SERPINB11: variants seen among roughly 807,000 people sequenced by gnomAD.
The protein encoded by SERPINB11 is serpin family B member 11.
In SERPINB11, 32 loss-of-function variants were observed where a neutral mutation model predicts 36.7. That is an observed-to-expected ratio of 0.87 (90% CI 0.66 to 1.17). The LOEUF (loss-of-function observed/expected upper bound fraction) is 1.17, where lower values mean the gene tolerates loss of function less well. Among genes scored for constraint, SERPINB11 ranks in the 50% most tolerant of loss-of-function variants. The pLI, the probability that SERPINB11 is intolerant of heterozygous loss-of-function variation, is 0.00. For missense variants in SERPINB11, 528 were observed against 458.4 expected, an observed-to-expected ratio of 1.15 and a Z score of -1.39; for synonymous variants, 174 against 168.1, an observed-to-expected ratio of 1.04 and a Z score of -0.27.
chr18:63,705,420 G>A (rs1914346761), intron 1 of SERPINB11: 2 of 152,150 alleles, frequency 1.3e-5, no homozygotes, highest in African/African-American at 4.8e-5. Flanking sequence ...ATGTTTTACA[G>A]GAGCACATAT....
rs528317281 is a variant in SERPINB11, at chr18:63,721,290, T to C, written c.774+304T>C. Among the ~76,000 whole-genome samples the C allele has an allele frequency of 2.0e-5, 3 of 152,312 alleles. No individual in the cohort carries two copies. The East Asian group carries it at 5.8e-4, about 29-fold the overall frequency. ...ATAGTCGGGGGACATCTTTCTATAG[T>C]AATGAAGTTATAATGCTATTTGGGC... On this transcript the variant is annotated intron_variant, in intron 7 of 7. Coordinates refer to ENST00000544088, the MANE Select transcript of SERPINB11 (RefSeq NM_001370475.1).
chr18:63,703,769 G>C (rs1182233720), intron 1 of SERPINB11, among the ~76,000 whole-genome samples: 1 of 152,188 alleles, frequency 6.6e-6, no homozygotes. Flanking sequence ...GACAGAACCA[G>C]ACCCTCCGTC....
At chr18:63,722,916 G>C in intron 7 of SERPINB11, 79 bp from the exon 8 acceptor site, 1 of 1,389,192 alleles carries the variant, frequency 7.2e-7, no homozygotes, top group Admixed American at 2.9e-5. Flanking sequence ...CTCACACTGA[G>C]AATTATAAAA....
At chr18:63,720,500 T>C (rs1194075587) in intron 6 of SERPINB11, 1 of 334,166 alleles carries the variant, frequency 3.0e-6, no homozygotes, top group Non-Finnish European at 5.3e-6. Context: ...AGAGAGTTTC[T>C]TGAGGAAAGA....
chr18:63,721,450 G>C (rs1214367724), intron 7 of SERPINB11, among the ~76,000 whole-genome samples: 5 of 152,180 alleles, frequency 3.3e-5, no homozygotes, highest in Admixed American at 6.5e-5. Flanking sequence ...ATTAAGAAGT[G>C]GTCATGGCCG....
intron 4 of SERPINB11, among the ~76,000 whole-genome samples, chr18:63,714,296 A>G (rs1176214706): frequency 3.9e-5 from 6 of 152,166 alleles, no homozygotes; most frequent in African/African-American, 1.4e-4. Context: ...CAAGGCAATA[A>G]AATATCACAA....
chr18:63,708,563 A>T (rs1025191130), intron 1 of SERPINB11, among the ~76,000 whole-genome samples: 3 of 152,156 alleles, frequency 2.0e-5, no homozygotes, highest in Non-Finnish European at 2.9e-5. Flanking sequence ...AGAAGAATGG[A>T]ATTGCCATTT....
chr18:63,711,715 G>A (rs1450877906), intron 3 of SERPINB11, among the ~76,000 whole-genome samples: 1 of 152,086 alleles, frequency 6.6e-6, no homozygotes, highest in Admixed American at 6.5e-5. Context: ...TGTCTAGAGT[G>A]GGGACTGAGA....
chr18:63,722,113 A>G (rs973309184), intron 7 of SERPINB11, among the ~76,000 whole-genome samples: 16 of 152,210 alleles, frequency 1.1e-4, no homozygotes, highest in African/African-American at 3.9e-4. Flanking sequence ...AGCAGTGCAA[A>G]TGCCTTAGAA....
chr18:63,721,078 C>T (rs185651470), intron 7 of SERPINB11, 92 bp downstream of exon 7: 12 of 1,170,994 alleles, frequency 1.0e-5, no homozygotes, highest in East Asian at 2.5e-5. Flanking sequence ...ATGACATTAG[C>T]GTAGTCATTG....
chr18:63,715,505 T>C (rs1447148906), intron 4 of SERPINB11, among the ~76,000 whole-genome samples: 1 of 152,230 alleles, frequency 6.6e-6, no homozygotes, highest in Non-Finnish European at 1.5e-5. Flanking sequence ...GTTCACACTT[T>C]ACATAAATTT....
chr18:63,708,176 G>A (rs779462393), intron 1 of SERPINB11, among the ~76,000 whole-genome samples: 4 of 152,228 alleles, frequency 2.6e-5, no homozygotes, highest in Non-Finnish European at 5.9e-5. Context: ...GGTCTGACAG[G>A]TGGCCAGGGC....
Position 63,723,065 on chromosome 18 carries a change from T to C in SERPINB11, c.845T>C (p.Val282Ala), listed in dbSNP as rs530961398. The part of the protein sequence containing the change: ...TSSSNMMERE[V>A]EVHLPRFKLE... ...TCTTCTAACATGATGGAAAGAGAAG[T>C]TGAAGTACACCTCCCCCGATTCAAA... Residue 282 changes from valine to alanine, a missense_variant, in exon 8 of 8, where the codon GTT becomes GCT. Physicochemically the swap from Val to Ala is moderately conservative, Grantham distance 64. Transcript: ENST00000544088. The C allele has an allele frequency of 1.1e-5, 17 of 1,605,486 alleles. No homozygotes were observed. The highest frequency in any genetic ancestry group is 5.3e-5 in the African/African-American group (4 of 74,854).
intron 4 of SERPINB11, among the ~76,000 whole-genome samples, chr18:63,715,097 C>T (rs1469709166): frequency 2.0e-5 from 3 of 152,188 alleles, no homozygotes; most frequent in African/African-American, 7.2e-5. Flanking sequence ...CTTCCCCCAA[C>T]ATTAGTTAAG....
In SERPINB11 at chr18:63,711,372, C is replaced by A; in HGVS notation, c.206C>A (p.Pro69Gln). The A allele has an allele frequency of 6.2e-7, 1 of 1,610,308 alleles. No individual in the cohort carries two copies. The highest frequency in any genetic ancestry group is 1.3e-5 in the African/African-American group (1 of 74,858). The change falls in exon 3 of 8, where the codon CCA (proline) becomes CAA (glutamine). Residue 69 changes from proline to glutamine, a missense_variant. Coordinates refer to ENST00000544088, the MANE Select transcript of SERPINB11 (RefSeq NM_001370475.1). The part of the protein sequence containing the change: ...HFSHTVDSLK[P>Q]GFKDSPKCSQ... ...AGTCATACTGTAGACTCATTAAAAC[C>A]AGGGTTCAAGGACTCACCTAAGGTA...
At chr18:63,715,970 G>A (rs1394500646) in intron 4 of SERPINB11, 65 bp from the exon 5 acceptor site, 6 of 953,304 alleles carry the variant, frequency 6.3e-6, no homozygotes, top group Non-Finnish European at 9.7e-6. Context: ...AATACATTGA[G>A]CTGTAGATTT....
intron 7 of SERPINB11, 105 bp from the exon 8 acceptor site, chr18:63,722,890 T>C: frequency 4.3e-6 from 5 of 1,162,150 alleles, no homozygotes; most frequent in Non-Finnish European, 4.7e-6. Flanking sequence ...GTAGAAAAAG[T>C]GATGAAGTTG....
At chr18:63,705,621 T>C (rs2222433) in intron 1 of SERPINB11, 1 of 151,926 alleles carries the variant, frequency 6.6e-6, no homozygotes, top group Admixed American at 6.6e-5. Context: ...GAAGAAACAA[T>C]CAAATAAACA....
Position 63,723,653 on chromosome 18 carries a change from G to C in SERPINB11, c.*254G>C, listed in dbSNP as rs1262934790. On this transcript the variant is annotated 3_prime_UTR_variant, in exon 8 of 8. Coordinates refer to ENST00000544088, the MANE Select transcript of SERPINB11 (RefSeq NM_001370475.1). The stretch of plus-strand genomic sequence containing the variant: ...ATCTGTGGTGTCTCATTTGAGTGCT[G>C]TCCAGTGACATGATCAAGTCAATGA... The C allele has an allele frequency of 1.8e-5, 7 of 393,590 alleles. No homozygotes were observed. Among genetic ancestry groups the C allele is most frequent in the Admixed American group, 4.1e-5 (1 of 24,140 alleles). 24.4% of individuals were successfully genotyped at this position (393,590 alleles called of 1,614,324 possible).
Sources: gnomAD v4.1 joint callset for allele counts (sites outside exome capture counted in the v4.1 genomes callset) on GRCh38, gnomAD v4.1.1 for gene constraint, MANE v1.5 for transcripts, NCBI Gene and HGNC (gene_info 2026-07-23, HGNC 2026-07-21) for gene names.